Variants in TRPC5 observed in about 807,000 individuals in gnomAD.
TRPC5 encodes transient receptor potential cation channel subfamily C member 5, also known as short transient receptor potential channel 5.
A neutral mutation model predicts 56.5 loss-of-function variants in TRPC5; 9 were observed. That is an observed-to-expected ratio of 0.16 (90% CI 0.10 to 0.28). The LOEUF (loss-of-function observed/expected upper bound fraction) is 0.28. TRPC5 is among the 10% of genes least tolerant of loss of function. The pLI, the probability that TRPC5 is intolerant of heterozygous loss-of-function variation, is 1.00. For missense variants in TRPC5, 469 were observed against 748.9 expected (o/e 0.63, Z 4.36); for synonymous variants, 282 against 278.5 (o/e 1.01, Z -0.13).
intron 7 of TRPC5, among the ~76,000 whole-genome samples, chrX:111,805,825 A>T (rs1025398456): frequency 9.1e-6 from 1 of 110,384 alleles, no homozygotes; most frequent in Admixed American, 9.7e-5. Context: ...GGCGCATACC[A>T]CCACACCTGG....
intron 3 of TRPC5, among the ~76,000 whole-genome samples, chrX:111,885,796 A>G (rs1319955638): frequency 9.0e-6 from 1 of 111,247 alleles, no homozygotes; most frequent in Non-Finnish European, 1.9e-5. Context: ...TTTACAAACT[A>G]AATCAATAGG....
At chrX:111,812,974 T>C (rs1193556088) in intron 7 of TRPC5, among the ~76,000 whole-genome samples, 1 of 112,158 alleles carries the variant, frequency 8.9e-6, no homozygotes, top group Non-Finnish European at 1.9e-5. Context: ...CCAATAAATT[T>C]TCATTTATTT....
At chrX:111,993,224 C>A (rs916773518) in intron 1 of TRPC5, among the ~76,000 whole-genome samples, 1 of 111,112 alleles carries the variant, frequency 9.0e-6, no homozygotes, top group African/African-American at 3.3e-5. Flanking sequence ...CTGCAAAGGA[C>A]ATGAACTCAT....
chrX:112,075,042 A>G (rs1930803660), intron 1 of TRPC5, among the ~76,000 whole-genome samples: 1 of 112,704 alleles, frequency 8.9e-6, no homozygotes, highest in Non-Finnish European at 1.9e-5. Context: ...TCCTAGATGT[A>G]TAAACAAATA....
At chrX:111,891,603 C>T (rs1460324707) in intron 3 of TRPC5, among the ~76,000 whole-genome samples, 2 of 111,287 alleles carry the variant, frequency 1.8e-5, no homozygotes, top group African/African-American at 3.3e-5. Context: ...TGCAATGGTG[C>T]GATCTCAGCT....
chrX:112,028,853 T>A (rs1018544173), intron 1 of TRPC5, among the ~76,000 whole-genome samples: 4 of 112,220 alleles, frequency 3.6e-5, no homozygotes, highest in African/African-American at 1.3e-4. Flanking sequence ...ATCGCCACAC[T>A]GTCTTCCACA....
chrX:112,022,422 G>C (rs1234262907), intron 1 of TRPC5, among the ~76,000 whole-genome samples: 1 of 111,928 alleles, frequency 8.9e-6, no homozygotes, highest in African/African-American at 3.3e-5. Flanking sequence ...CAGAACATGA[G>C]CTTTATGAGA....
At chrX:111,916,613 C>T (rs1043402967) in intron 2 of TRPC5, among the ~76,000 whole-genome samples, 15 of 111,831 alleles carry the variant, frequency 1.3e-4, no homozygotes, top group African/African-American at 3.9e-4. Flanking sequence ...TAGGTGTATA[C>T]GCATAATTTG....
At chrX:111,809,013 C>T (rs184529486) in intron 7 of TRPC5, among the ~76,000 whole-genome samples, 13 of 109,465 alleles carry the variant, frequency 1.2e-4, no homozygotes, top group African/African-American at 4.0e-4. Context: ...GTGGCTGAGC[C>T]GGTATCCAAG....
intron 3 of TRPC5, among the ~76,000 whole-genome samples, chrX:111,895,031 C>T (rs1266091962): frequency 1.8e-5 from 2 of 111,356 alleles, no homozygotes; most frequent in Admixed American, 9.5e-5. Context: ...GATATTTGTA[C>T]GCTCTTTGGT....
chrX:111,825,146 C>CCTTTCTTT (rs570710450), intron 7 of TRPC5, among the ~76,000 whole-genome samples: 63 of 59,387 alleles, frequency 1.1e-3, no homozygotes, highest in Middle Eastern at 8.8e-3. Flanking sequence ...TTCCTTCCTT[C>CCTTTCTTT]CTTTCTTTCT....
intron 1 of TRPC5, among the ~76,000 whole-genome samples, chrX:112,001,463 TA>T (rs1250665182): frequency 8.9e-5 from 10 of 112,145 alleles, no homozygotes; most frequent in Non-Finnish European, 1.3e-4. Flanking sequence ...TATTATTGAT[TA>T]AAAAGTAAGC....
At chrX:111,934,219 C>T (rs1347883661) in intron 2 of TRPC5, among the ~76,000 whole-genome samples, 1 of 106,006 alleles carries the variant, frequency 9.4e-6, no homozygotes, top group East Asian at 2.9e-4. Flanking sequence ...TAAAGTGTTT[C>T]TCCTTCGTTT....
chrX:111,874,148 C>G (rs540504025), intron 3 of TRPC5, among the ~76,000 whole-genome samples: 1 of 112,697 alleles, frequency 8.9e-6, no homozygotes, highest in Non-Finnish European at 1.9e-5. Context: ...TACTCTGTGC[C>G]AGGCCCCATG....
intron 3 of TRPC5, among the ~76,000 whole-genome samples, chrX:111,893,646 C>G (rs1924917861): frequency 1.8e-5 from 2 of 111,485 alleles, no homozygotes; most frequent in South Asian, 7.6e-4. Context: ...TCCTACTCCC[C>G]CTTTTTTTAG....
Position 111,908,009 on chromosome X carries a change from T to G in TRPC5, c.900+4282A>C, listed in dbSNP as rs368964561. Reference sequence around the variant, plus strand: ...TTGAGCTAAATTTATATGCTAAAGTTAAAATCACAAAAACACAACCCCAAA... The same window carrying G: ...TTGAGCTAAATTTATATGCTAAAGTGAAAATCACAAAAACACAACCCCAAA... On this transcript the variant is annotated intron_variant, in intron 3 of 10. Coordinates refer to ENST00000262839, the MANE Select transcript of TRPC5 (RefSeq NM_012471.3). 2.6e-4 allele frequency among the ~76,000 whole-genome samples: 29 copies of G among 111,923 alleles called. No homozygotes were observed. In the East Asian group the frequency reaches 6.5e-3, roughly 25 times the overall value.
chrX:111,966,355 A>T (rs1342486925), intron 1 of TRPC5, among the ~76,000 whole-genome samples: 1 of 111,724 alleles, frequency 9.0e-6, no homozygotes, highest in African/African-American at 3.3e-5. Flanking sequence ...CCAACCAAAA[A>T]GAGTCCAGGA....
At chrX:111,972,452 A>G (rs1281956491) in intron 1 of TRPC5, among the ~76,000 whole-genome samples, 1 of 112,302 alleles carries the variant, frequency 8.9e-6, no homozygotes, top group Non-Finnish European at 1.9e-5. Context: ...GTTAGGAAGT[A>G]GGAAGAAAAC....
chrX:111,785,099 A>G (rs1419172013), intron 7 of TRPC5, among the ~76,000 whole-genome samples: 4 of 112,541 alleles, frequency 3.6e-5, no homozygotes, highest in Non-Finnish European at 7.5e-5. Flanking sequence ...CTCAGAACGG[A>G]CAGACTGCCT....
Sources: allele counts gnomAD v4.1 joint callset (sites outside exome capture counted in the v4.1 genomes callset), GRCh38; gene constraint gnomAD v4.1.1; transcripts MANE v1.5; gene names NCBI Gene and HGNC (gene_info 2026-07-23, HGNC 2026-07-21).